The following ANKFN1 variants were observed in gnomAD, a reference collection of about 807,000 sequenced individuals.
The protein encoded by ANKFN1 is ankyrin repeat and fibronectin type-III domain-containing protein 1.
ANKFN1 carries 74 observed loss-of-function variants against 108.7 expected under a neutral mutation model. That is an observed-to-expected ratio of 0.68 (90% CI 0.56 to 0.83). The LOEUF is 0.83. Among genes scored for constraint, ANKFN1 ranks in the 40% least tolerant of loss-of-function variants. ANKFN1 has a pLI of 0.00. For synonymous variants in ANKFN1, 547 were observed against 516.2 expected (o/e 1.06, Z -0.81); for missense variants, 1,505 against 1,382.3 (o/e 1.09, Z -1.41).
chr17:56,511,071 G>C lies in ANKFN1; in HGVS notation c.3243G>C (p.Gln1081His), dbSNP rs1233028847. Reference protein sequence around the residue: ...SLPEERNSSLQDARPSVRRLY... With the variant: ...SLPEERNSSLHDARPSVRRLY... The stretch of plus-strand genomic sequence containing the variant: ...CTGAGGAGCGGAACAGCAGTCTCCA[G>C]GACGCGAGGCCTTCCGTCCGCCGCC... The change falls in exon 21 of 21, where the codon CAG becomes CAC. Residue 1081 changes from glutamine to histidine, a missense_variant. Gln to His is a conservative substitution (Grantham distance 24). Coordinates refer to ENST00000682825, the MANE Select transcript of ANKFN1 (RefSeq NM_001370326.1). 6.5e-7 allele frequency: 1 copy of C among 1,536,008 alleles called. No homozygotes were observed. The highest frequency in any genetic ancestry group is 1.2e-5 in the South Asian group (1 of 84,054).
intron 4 of ANKFN1, among the ~76,000 whole-genome samples, chr17:56,120,546 C>T (rs1906553903): frequency 6.6e-6 from 1 of 152,142 alleles, no homozygotes; most frequent in Non-Finnish European, 1.5e-5. Context: ...TATGACTCTC[C>T]TACCCAGGAA....
intron 3 of ANKFN1, among the ~76,000 whole-genome samples, chr17:56,314,365 T>A (rs1327197217): frequency 6.6e-6 from 1 of 152,202 alleles, no homozygotes. Context: ...TCCAAAGGTA[T>A]ACCATTTTAT....
chr17:56,408,016 C>A (rs2047974556), intron 8 of ANKFN1, among the ~76,000 whole-genome samples: 2 of 140,512 alleles, frequency 1.4e-5, no homozygotes, highest in Non-Finnish European at 3.0e-5. Context: ...CTCACTGCAA[C>A]CTCCGCCTCC....
At chr17:56,480,109 G>A (rs190254199) in intron 16 of ANKFN1, among the ~76,000 whole-genome samples, 1 of 152,224 alleles carries the variant, frequency 6.6e-6, no homozygotes, top group African/African-American at 2.4e-5. Flanking sequence ...GATGGAAGCA[G>A]TGATATGCAT....
At chr17:56,067,315 C>T (rs915044820) in intron 4 of ANKFN1, among the ~76,000 whole-genome samples, 2 of 152,264 alleles carry the variant, frequency 1.3e-5, no homozygotes, top group African/African-American at 4.8e-5. Context: ...CCTTTCTTGA[C>T]TGTGTTTATT....
intron 8 of ANKFN1, among the ~76,000 whole-genome samples, chr17:56,424,999 T>TG (rs1453150717): frequency 6.6e-6 from 1 of 152,132 alleles, no homozygotes; most frequent in Admixed American, 6.5e-5. Context: ...TTATTACTGT[T>TG]TGCAATTGAA....
intron 1 of ANKFN1, among the ~76,000 whole-genome samples, chr17:56,186,323 A>G (rs545589530): frequency 6.6e-6 from 1 of 152,308 alleles, no homozygotes; most frequent in African/African-American, 2.4e-5. Flanking sequence ...AATTCCTCAC[A>G]TCTGAATAGC....
intron 1 of ANKFN1, among the ~76,000 whole-genome samples, chr17:56,202,125 G>A (rs1267396673): frequency 6.6e-6 from 1 of 152,176 alleles, no homozygotes; most frequent in Non-Finnish European, 1.5e-5. Context: ...CCTGGGAAGC[G>A]ATTACACTTG....
chr17:56,347,314 T>A (rs556858582), intron 4 of ANKFN1, among the ~76,000 whole-genome samples: 1 of 152,178 alleles, frequency 6.6e-6, no homozygotes, highest in East Asian at 1.9e-4. Flanking sequence ...TTTCTACTAT[T>A]TATTGAGTGG....
intron 3 of ANKFN1, among the ~76,000 whole-genome samples, chr17:56,307,419 A>T (rs548330019): frequency 2.6e-5 from 4 of 152,262 alleles, no homozygotes; most frequent in African/African-American, 4.8e-5. Context: ...TGGGCGAAGG[A>T]TGTGAACAGA....
chr17:56,502,832 C>G (rs1881303372), intron 20 of ANKFN1, among the ~76,000 whole-genome samples: 1 of 152,190 alleles, frequency 6.6e-6, no homozygotes, highest in East Asian at 1.9e-4. Flanking sequence ...GATGCCAGCC[C>G]AAGATTCTGT....
intron 4 of ANKFN1, among the ~76,000 whole-genome samples, chr17:56,342,885 G>C (rs1268839506): frequency 6.6e-6 from 1 of 151,874 alleles, no homozygotes; most frequent in Admixed American, 6.6e-5. Context: ...CTGTCAGTGG[G>C]GTGTTAGAGT....
chr17:56,217,929 C>G (rs1915544647), intron 2 of ANKFN1, among the ~76,000 whole-genome samples: 1 of 152,130 alleles, frequency 6.6e-6, no homozygotes, highest in Non-Finnish European at 1.5e-5. Context: ...AGGATCTCAA[C>G]AGTTACATGT....
chr17:56,467,787 GAAAGA>G lies in ANKFN1; in HGVS notation c.1773+1218_1773+1222del, dbSNP rs1474785651. On this transcript the variant is annotated intron_variant, in intron 15 of 20. Transcript: ENST00000682825. ...AGAAAGAAAGAAAGAAAGAAAGAAA[GAAAGA>G]AGAAAGAAAGAAAGAAAGAAAGAAA... Among the ~76,000 whole-genome samples the G allele has an allele frequency of 1.2e-3, 93 of 75,566 alleles. 4 individuals are homozygous for G. Among genetic ancestry groups the G allele is most frequent in the African/African-American group, 6.1e-3 (87 of 14,276 alleles). 49.6% of individuals were successfully genotyped at this position (75,566 alleles called of 152,430 possible). A position where few individuals can be genotyped will look rare whatever the true frequency, so the allele number is the denominator to read the frequency against.
chr17:56,328,925 C>A (rs957896441), intron 4 of ANKFN1, among the ~76,000 whole-genome samples: 6 of 152,112 alleles, frequency 3.9e-5, no homozygotes, highest in Non-Finnish European at 7.4e-5. Flanking sequence ...TCTTTTGAAT[C>A]TGTCCAGCCC....
chr17:56,069,431 C>T (rs889000416), intron 4 of ANKFN1, among the ~76,000 whole-genome samples: 3 of 152,128 alleles, frequency 2.0e-5, no homozygotes, highest in African/African-American at 7.2e-5. Flanking sequence ...GACACAGGCA[C>T]GAGTATTCCA....
intron 20 of ANKFN1, among the ~76,000 whole-genome samples, chr17:56,499,666 A>G (rs10515129): frequency 0.13 from 19,238 of 152,136 alleles, 1,369 homozygotes; most frequent in African/African-American, 0.2. Context: ...CATCATGGAC[A>G]TAATGAACTT....
At chr17:56,129,093 A>AGG (rs993853773) in intron 4 of ANKFN1, among the ~76,000 whole-genome samples, 1 of 152,332 alleles carries the variant, frequency 6.6e-6, no homozygotes, top group Non-Finnish European at 1.5e-5. Flanking sequence ...TTGCAGGACA[A>AGG]GGGAAAAATC....
chr17:56,384,023 CA>C (rs1229566465), intron 8 of ANKFN1, among the ~76,000 whole-genome samples: 14 of 136,958 alleles, frequency 1.0e-4, no homozygotes, highest in Non-Finnish European at 1.9e-4. Flanking sequence ...GAGACACAAC[CA>C]AAAAAGAGAA....
Sources: gnomAD v4.1 joint callset for allele counts (sites outside exome capture counted in the v4.1 genomes callset) on GRCh38, gnomAD v4.1.1 for gene constraint, MANE v1.5 for transcripts, NCBI Gene and HGNC (gene_info 2026-07-23, HGNC 2026-07-21) for gene names.